Variants in ZBTB20 observed in about 807,000 individuals in gnomAD.
The protein encoded by ZBTB20 is zinc finger and BTB domain containing 20, also known as zinc finger and BTB domain-containing protein 20.
In ZBTB20, 9 loss-of-function variants were observed where a neutral mutation model predicts 56.9. That is an observed-to-expected ratio of 0.16 (90% CI 0.10 to 0.28). ZBTB20 has a LOEUF of 0.28. Ranked by LOEUF, ZBTB20 falls within the 10% of genes least tolerant of loss-of-function variation. The probability of loss-of-function intolerance (pLI) is 1.00; values close to 1 mark genes in which losing one functional copy is unlikely to be tolerated. For synonymous variants in ZBTB20, 417 were observed against 420.7 expected (o/e 0.99, Z 0.11); for missense variants, 655 against 1,003.0 (o/e 0.65, Z 4.69).
At chr3:114,891,613 G>A (rs1402510950) in intron 4 of ZBTB20, among the ~76,000 whole-genome samples, 1 of 152,144 alleles carries the variant, frequency 6.6e-6, no homozygotes, top group Non-Finnish European at 1.5e-5. Context: ...TAAAATGTAA[G>A]TAAATATATT....
At chr3:114,497,440 T>A (rs751406945) in intron 7 of ZBTB20, among the ~76,000 whole-genome samples, 2 of 152,232 alleles carry the variant, frequency 1.3e-5, no homozygotes, top group African/African-American at 4.8e-5. Flanking sequence ...CACACTGAAC[T>A]ATTCACTCCT....
At position 114,318,666 on chromosome 3, in the gene ZBTB20, C is replaced by T. The variant is rs2078783286; in HGVS notation, c.*20339G>A. 6.6e-6 allele frequency: 1 copy of T among 152,172 alleles called. No homozygotes were observed. Among genetic ancestry groups the T allele is most frequent in the African/African-American group, 2.4e-5 (1 of 41,440 alleles). 9.4% of individuals were successfully genotyped at this position (152,172 alleles called of 1,614,324 possible). A position where few individuals can be genotyped will look rare whatever the true frequency, so the allele number is the denominator to read the frequency against. ...ATGATTTGAGATAGAGAGGCAGAGC[C>T]CGGCTGTGTCATACAAAAAAGGGCA... On this transcript the variant is annotated 3_prime_UTR_variant, in exon 12 of 12. Transcript: ENST00000675478.
chr3:114,915,337 T>C (rs1053746377), intron 3 of ZBTB20, among the ~76,000 whole-genome samples: 10 of 151,984 alleles, frequency 6.6e-5, no homozygotes, highest in African/African-American at 2.4e-4. Flanking sequence ...TCTTCTAGGT[T>C]TTCCAATTTA....
At chr3:114,401,294 T>C (rs2086806171) in intron 7 of ZBTB20, among the ~76,000 whole-genome samples, 1 of 152,168 alleles carries the variant, frequency 6.6e-6, no homozygotes, top group Non-Finnish European at 1.5e-5. Flanking sequence ...AAAACAAGAA[T>C]TCTTCTTTAA....
Position 114,380,432 on chromosome 3 carries a change from G to A in ZBTB20, c.12-28C>T, listed in dbSNP as rs1429023966. ...GAAAATAAACAAAGGGCCCTTTGAAGGAACTGACTGCATATTTGGGAAAAG... is the reference window on the plus strand; with the variant it reads ...GAAAATAAACAAAGGGCCCTTTGAAAGAACTGACTGCATATTTGGGAAAAG... On this transcript the variant is annotated intron_variant, in intron 9 of 11. Transcript: ENST00000675478. 3 of 1,487,946 alleles carry A rather than the reference G, an allele frequency of 2.0e-6. 1 individual carries two copies. Among genetic ancestry groups the A allele is most frequent in the South Asian group, 2.6e-5 (2 of 76,566 alleles). 92.2% of individuals were successfully genotyped at this position (1,487,946 alleles called of 1,614,324 possible). A position where few individuals can be genotyped will look rare whatever the true frequency, so the allele number is the denominator to read the frequency against.
At chr3:114,553,860 A>G (rs1252763412) in intron 6 of ZBTB20, among the ~76,000 whole-genome samples, 1 of 152,166 alleles carries the variant, frequency 6.6e-6, no homozygotes, top group East Asian at 1.9e-4. Flanking sequence ...CCATATTCCC[A>G]TAATGTGATA....
At chr3:114,496,807 G>A (rs774641546) in intron 7 of ZBTB20, among the ~76,000 whole-genome samples, 3 of 152,116 alleles carry the variant, frequency 2.0e-5, no homozygotes, top group Non-Finnish European at 4.4e-5. Context: ...TAGGAAATTG[G>A]GGCATTGATT....
chr3:114,567,795 C>T (rs2052959676), intron 6 of ZBTB20, among the ~76,000 whole-genome samples: 1 of 152,186 alleles, frequency 6.6e-6, no homozygotes, highest in African/African-American at 2.4e-5. Flanking sequence ...TTTGAAACCC[C>T]TGGAATACAG....
intron 6 of ZBTB20, among the ~76,000 whole-genome samples, chr3:114,609,579 T>C (rs2057403978): frequency 6.6e-6 from 1 of 152,230 alleles, no homozygotes; most frequent in South Asian, 2.1e-4. Flanking sequence ...ATTGAGATGA[T>C]GAAGACCAAA....
chr3:114,577,410 A>G (rs1209286794), intron 6 of ZBTB20, among the ~76,000 whole-genome samples: 1 of 152,210 alleles, frequency 6.6e-6, no homozygotes, highest in Non-Finnish European at 1.5e-5. Context: ...CATAATAAAG[A>G]GAGATAAGAA....
At chr3:114,603,534 G>T (rs2056918716) in intron 6 of ZBTB20, among the ~76,000 whole-genome samples, 1 of 151,736 alleles carries the variant, frequency 6.6e-6, no homozygotes, top group African/African-American at 2.4e-5. Flanking sequence ...TCATTATCTA[G>T]AAGCTACATA....
intron 3 of ZBTB20, among the ~76,000 whole-genome samples, chr3:114,923,939 C>G (rs1390926009): frequency 6.6e-6 from 1 of 151,904 alleles, no homozygotes; most frequent in Admixed American, 6.6e-5. Context: ...CCAAAGAAGG[C>G]ATACAAATGG....
At chr3:114,985,559 T>C (rs940302152) in intron 2 of ZBTB20, among the ~76,000 whole-genome samples, 2 of 152,144 alleles carry the variant, frequency 1.3e-5, no homozygotes, top group Non-Finnish European at 2.9e-5. Flanking sequence ...TGATATGTCA[T>C]TATGTCCTTT....
chr3:114,874,670 A>T (rs1015677040), intron 4 of ZBTB20, among the ~76,000 whole-genome samples: 3 of 152,128 alleles, frequency 2.0e-5, no homozygotes, highest in African/African-American at 7.2e-5. Context: ...CCCAGTAACA[A>T]TGCAGCAGTG....
intron 6 of ZBTB20, among the ~76,000 whole-genome samples, chr3:114,676,931 C>A (rs771314773): frequency 6.6e-6 from 1 of 152,008 alleles, no homozygotes; most frequent in African/African-American, 2.4e-5. Flanking sequence ...TGCAACACCA[C>A]GCCCAGCTAA....
At chr3:114,450,712 A>T (rs1211301960) in intron 7 of ZBTB20, among the ~76,000 whole-genome samples, 2 of 152,146 alleles carry the variant, frequency 1.3e-5, no homozygotes, top group African/African-American at 4.8e-5. Context: ...ATACAACCAT[A>T]TGCATACCTA....
chr3:114,869,146 T>C (rs769669303), intron 4 of ZBTB20, among the ~76,000 whole-genome samples: 1 of 152,088 alleles, frequency 6.6e-6, no homozygotes, highest in Admixed American at 6.6e-5. Context: ...AAAGAAATGA[T>C]AGATTTACAC....
intron 6 of ZBTB20, among the ~76,000 whole-genome samples, chr3:114,668,933 G>A (rs993776985): frequency 9.2e-5 from 14 of 151,880 alleles, no homozygotes; most frequent in South Asian, 4.1e-4. Context: ...TCTTCAGATC[G>A]GATCAGATTT....
At chr3:114,475,881 G>T (rs907180016) in intron 7 of ZBTB20, among the ~76,000 whole-genome samples, 1 of 152,060 alleles carries the variant, frequency 6.6e-6, no homozygotes, top group Non-Finnish European at 1.5e-5. Context: ...TTGAATTATG[G>T]TAAGTATATT....
Sources: allele counts gnomAD v4.1 joint callset (sites outside exome capture counted in the v4.1 genomes callset), GRCh38; gene constraint gnomAD v4.1.1; transcripts MANE v1.5; gene names NCBI Gene and HGNC (gene_info 2026-07-23, HGNC 2026-07-21).